MACROD2: variants seen among roughly 807,000 people sequenced by gnomAD.
The protein encoded by MACROD2 is ADP-ribose glycohydrolase MACROD2.
In MACROD2, 36 loss-of-function variants were observed where a neutral mutation model predicts 70.4. The ratio of observed to expected loss-of-function variants is 0.51; its 90% CI spans 0.39 to 0.68. The LOEUF (loss-of-function observed/expected upper bound fraction) is 0.68. Among genes scored for constraint, MACROD2 ranks in the 30% least tolerant of loss-of-function variants. The probability of loss-of-function intolerance (pLI) is 0.00; values close to 1 mark genes in which losing one functional copy is unlikely to be tolerated. For missense variants in MACROD2, 496 were observed against 538.4 expected, an observed-to-expected ratio of 0.92 and a Z score of 0.78; for synonymous variants, 172 against 178.8, an observed-to-expected ratio of 0.96 and a Z score of 0.30.
chr20:14,546,132 A>T (rs2085489411), intron 4 of MACROD2, among the ~76,000 whole-genome samples: 1 of 152,220 alleles, frequency 6.6e-6, no homozygotes, highest in South Asian at 2.1e-4. Context: ...TAATTTTCAA[A>T]GTGTAAGATG....
At chr20:14,710,754 T>C (rs2071328923) in intron 5 of MACROD2, among the ~76,000 whole-genome samples, 1 of 152,192 alleles carries the variant, frequency 6.6e-6, no homozygotes, top group Non-Finnish European at 1.5e-5. Flanking sequence ...TTTTACTTCC[T>C]TTACCTACTC....
intron 4 of MACROD2, among the ~76,000 whole-genome samples, chr20:14,618,169 G>A (rs572328240): frequency 6.6e-6 from 1 of 152,114 alleles, no homozygotes; most frequent in East Asian, 1.9e-4. Flanking sequence ...CACTTAGAAG[G>A]CCCTATTTGC....
At chr20:14,288,854 C>G (rs1469058803) in intron 3 of MACROD2, among the ~76,000 whole-genome samples, 1 of 152,156 alleles carries the variant, frequency 6.6e-6, no homozygotes, top group Non-Finnish European at 1.5e-5. Context: ...CGTGGCAATA[C>G]TTGTATGTAG....
chr20:15,178,507 A>C (rs1303387718), intron 5 of MACROD2, among the ~76,000 whole-genome samples: 1 of 152,214 alleles, frequency 6.6e-6, no homozygotes, highest in Non-Finnish European at 1.5e-5. Context: ...CTATGCATGC[A>C]TATAACCCTT....
At chr20:14,416,738 T>C (rs2083809593) in intron 3 of MACROD2, among the ~76,000 whole-genome samples, 1 of 152,236 alleles carries the variant, frequency 6.6e-6, no homozygotes, top group South Asian at 2.1e-4. Flanking sequence ...ACACTCAGTT[T>C]GGCATTGGTA....
At chr20:14,141,011 G>A (rs918281682) in intron 3 of MACROD2, among the ~76,000 whole-genome samples, 3 of 152,174 alleles carry the variant, frequency 2.0e-5, no homozygotes, top group Non-Finnish European at 4.4e-5. Flanking sequence ...TACCTTAAGT[G>A]AAAAATCTCT....
intron 8 of MACROD2, among the ~76,000 whole-genome samples, chr20:15,698,239 C>G (rs1221858594): frequency 6.6e-6 from 1 of 152,068 alleles, no homozygotes; most frequent in Non-Finnish European, 1.5e-5. Context: ...ATCTAGAACT[C>G]CTTTTAGCAG....
At chr20:15,633,733 C>T (rs2049324925) in intron 8 of MACROD2, among the ~76,000 whole-genome samples, 1 of 152,062 alleles carries the variant, frequency 6.6e-6, no homozygotes. Context: ...AATCTATTAC[C>T]ATAATTAAGT....
At chr20:14,430,194 A>G (rs1311727373) in intron 3 of MACROD2, among the ~76,000 whole-genome samples, 1 of 152,192 alleles carries the variant, frequency 6.6e-6, no homozygotes, top group African/African-American at 2.4e-5. Flanking sequence ...TCAGGTCACA[A>G]GGAACTTAAA....
At chr20:15,387,475 G>A (rs769237603) in intron 6 of MACROD2, among the ~76,000 whole-genome samples, 3 of 148,920 alleles carry the variant, frequency 2.0e-5, no homozygotes, top group African/African-American at 7.5e-5. Flanking sequence ...CTCTTTCACT[G>A]TCTCTCTTTC....
rs147438939 is a variant in MACROD2 at position 15,418,663 on chromosome 20, A to G, written c.541-12742A>G. Among the ~76,000 whole-genome samples, 321 of 152,342 alleles carry G rather than the reference A, an allele frequency of 2.1e-3. 1 individual carries two copies. Among genetic ancestry groups the G allele is most frequent in the African/African-American group, 7.2e-3 (301 of 41,578 alleles). On this transcript the variant is annotated intron_variant, in intron 6 of 17. Coordinates refer to ENST00000684519, the MANE Select transcript of MACROD2 (RefSeq NM_001351661.2). ...AAAACCAGGGATTGACTCAAAGCCA[A>G]GGATCCATAATAACCTCCACTTGGG...
At chr20:16,041,671 T>G (rs775130) in intron 16 of MACROD2, among the ~76,000 whole-genome samples, 144,777 of 152,028 alleles carry the variant, frequency 0.95, 69,179 homozygotes, top group East Asian at 1. Flanking sequence ...GCCCTACCTT[T>G]GGTGTGGGCT....
intron 5 of MACROD2, among the ~76,000 whole-genome samples, chr20:14,818,990 C>T (rs952006789): frequency 3.3e-5 from 5 of 151,706 alleles, no homozygotes; most frequent in African/African-American, 1.2e-4. Flanking sequence ...CTTGGCTGGG[C>T]ATGGTGGCTC....
chr20:14,905,748 T>C (rs1041596464), intron 5 of MACROD2: 2 of 152,202 alleles, frequency 1.3e-5, no homozygotes, highest in Non-Finnish European at 2.9e-5. Context: ...TCTACATTTT[T>C]CTTCTCTGTG....
At chr20:14,675,950 A>G (rs907441833) in intron 4 of MACROD2, among the ~76,000 whole-genome samples, 1 of 152,178 alleles carries the variant, frequency 6.6e-6, no homozygotes, top group Non-Finnish European at 1.5e-5. Context: ...AAAAAAAGAC[A>G]AAGGCATTAC....
intron 5 of MACROD2, among the ~76,000 whole-genome samples, chr20:15,084,873 A>G (rs1227318089): frequency 6.6e-6 from 1 of 152,166 alleles, no homozygotes; most frequent in Non-Finnish European, 1.5e-5. Flanking sequence ...TCAATGCAAT[A>G]CTTTTCAAAA....
chr20:15,584,277 A>C (rs1014128281), intron 8 of MACROD2, among the ~76,000 whole-genome samples: 4 of 152,226 alleles, frequency 2.6e-5, no homozygotes, highest in African/African-American at 7.2e-5. Context: ...TACAGAAGCA[A>C]AAGTTGAAGA....
At chr20:14,686,385 A>G (rs1331391644) in intron 5 of MACROD2, among the ~76,000 whole-genome samples, 1 of 152,208 alleles carries the variant, frequency 6.6e-6, no homozygotes, top group Non-Finnish European at 1.5e-5. Context: ...TTGTGCATGA[A>G]ACAAAGTTTT....
chr20:15,214,895 C>G (rs6043137), intron 5 of MACROD2, among the ~76,000 whole-genome samples: 157 of 152,116 alleles, frequency 1.0e-3, no homozygotes, highest in Non-Finnish European at 1.7e-3. Flanking sequence ...ACTCAGCTGC[C>G]TAATGTGTTT....
Sources: allele counts gnomAD v4.1 joint callset (sites outside exome capture counted in the v4.1 genomes callset), GRCh38; gene constraint gnomAD v4.1.1; transcripts MANE v1.5; gene names NCBI Gene and HGNC (gene_info 2026-07-23, HGNC 2026-07-21).